The following NUMA1 variants were observed in gnomAD, a reference collection of about 807,000 sequenced individuals.
NUMA1 encodes SP-H antigen.
NUMA1 carries 62 observed loss-of-function variants against 237.1 expected under a neutral mutation model. That is an observed-to-expected ratio of 0.26 (90% CI 0.21 to 0.32). The LOEUF is 0.32. Among genes scored for constraint, NUMA1 ranks in the 10% least tolerant of loss-of-function variants. The pLI, the probability that NUMA1 is intolerant of heterozygous loss-of-function variation, is 1.00. For missense variants in NUMA1, 2,533 were observed against 2,666.5 expected (o/e 0.95, Z 1.10); for synonymous variants, 1,028 against 1,066.1 (o/e 0.96, Z 0.70).
intron 9 of NUMA1, 69 bp from the exon 10 acceptor site, chr11:72,019,049 AG>A: frequency 6.4e-7 from 1 of 1,571,808 alleles, no homozygotes; most frequent in Non-Finnish European, 8.7e-7. Flanking sequence ...AACAGGCAGC[AG>A]TAAGGGAGCG....
chr11:72,008,582 C>G (rs755824989), intron 20 of NUMA1, 106 bp downstream of exon 20: 2 of 1,292,884 alleles, frequency 1.5e-6, no homozygotes, highest in East Asian at 2.4e-5. Context: ...CGTTATTCTT[C>G]TCTAAGAATA....
intron 25 of NUMA1, 52 bp from the exon 26 acceptor site, chr11:72,004,151 A>T (rs1466947568): frequency 6.2e-7 from 1 of 1,610,666 alleles, no homozygotes; most frequent in South Asian, 1.1e-5. Flanking sequence ...TTCCCAGGCC[A>T]GCGTGCTGTG....
Position 72,003,518 on chromosome 11 carries a change from ACTGG to A in NUMA1, c.*5_*8del, listed in dbSNP as rs1424391102. On this transcript the variant is annotated 3_prime_UTR_variant, in exon 27 of 27. Coordinates refer to ENST00000393695, the MANE Select transcript of NUMA1 (RefSeq NM_006185.4). ...GACACAGGTGGGGCCACTCACTGGT[ACTGG>A]CCCTTTAGTGCTTTGCCTGAAAGAG... 6.2e-7 allele frequency: 1 copy of A among 1,614,042 alleles called. No individual in the cohort carries two copies. Among genetic ancestry groups the A allele is most frequent in the Non-Finnish European group, 8.5e-7 (1 of 1,179,894 alleles).
intron 2 of NUMA1, among the ~76,000 whole-genome samples, chr11:72,059,916 TAA>T (rs529856102): frequency 6.6e-6 from 1 of 152,250 alleles, no homozygotes; most frequent in African/African-American, 2.4e-5. Flanking sequence ...TATCAATATA[TAA>T]GATAGAATAT....
Position 72,035,914 on chromosome 11 carries a change from T to G in NUMA1, c.30A>C (p.Ala10=). 1 of 1,613,408 alleles carries G rather than the reference T, an allele frequency of 6.2e-7. No homozygotes were observed. Among genetic ancestry groups the G allele is most frequent in the South Asian group, 1.1e-5 (1 of 90,996 alleles). The change falls in exon 3 of 27, where the codon GCA becomes GCC. Residue 10 remains alanine, a synonymous_variant. Transcript: ENST00000393695. ...GAAGACTACTTACCCAAGAGAGGAG[T>G]GCAGCCCCCCGGGTGGCGTGGAGTG... MTLHATRGA[A]LLSWVNSLHV...
intron 2 of NUMA1, among the ~76,000 whole-genome samples, chr11:72,060,489 G>A (rs552591669): frequency 3.4e-4 from 52 of 151,992 alleles, no homozygotes; most frequent in Non-Finnish European, 7.5e-4. Flanking sequence ...ACAAAAATTA[G>A]AAAAATAGCC....
chr11:72,018,424 G>A lies in NUMA1; in HGVS notation c.832C>T (p.Leu278Phe), dbSNP rs758598029. The A allele has an allele frequency of 1.2e-6, 2 of 1,614,142 alleles. No homozygotes were observed. The highest frequency in any genetic ancestry group is 1.7e-4 in the Middle Eastern group (1 of 6,060). The part of the protein sequence containing the change: ...QAASPLEPKE[L>F]EELRDKNESL... ...TCATTCTTGTCACGCAGCTCCTCAA[G>A]CTCCTTGGGCTCCAGTGGGCTGGCC... Residue 278 changes from leucine (L) to phenylalanine (F), a missense_variant, in exon 11 of 27, where the codon CTT (leucine) becomes TTT (phenylalanine). Around this residue, in one of 3 missense-constraint regions of NUMA1, gnomAD observed 1,414 missense variants for 1,508.1 expected, o/e 0.94. Transcript: ENST00000393695.
Position 72,021,227 on chromosome 11 carries a change from T to C in NUMA1, c.437A>G (p.Asp146Gly). ...DHEDGLNLNE[D>G]LENFLQKAPV... ...ACCTTTCTGTAGGAAGTTCTCTAGG[T>C]CCTCATTAAGGTTTAGCCCGTCCTC... The change falls in exon 8 of 27, where the codon GAC (aspartate) becomes GGC (glycine). Residue 146 changes from aspartate to glycine, a missense_variant. Coordinates refer to ENST00000393695, the MANE Select transcript of NUMA1 (RefSeq NM_006185.4). The C allele has an allele frequency of 6.2e-7, 1 of 1,614,108 alleles. No individual in the cohort carries two copies. The highest frequency in any genetic ancestry group is 8.5e-7 in the Non-Finnish European group (1 of 1,179,954).
rs1289180191 is a variant in NUMA1 at position 72,074,776 on chromosome 11, G to A, written c.-102-4865C>T. Among the ~76,000 whole-genome samples the A allele has an allele frequency of 3.9e-5, 6 of 152,112 alleles. No individual in the cohort carries two copies. In the South Asian group the frequency reaches 1.0e-3, roughly 26 times the overall value. The stretch of plus-strand genomic sequence containing the variant: ...AGGCTGGGTGCAATGGCTCACGCCT[G>A]TAATCCCAGCACTTTGGGAGGCTGA... On this transcript the variant is annotated intron_variant, in intron 1 of 26. Transcript: ENST00000393695.
intron 1 of NUMA1, chr11:72,076,814 G>A (rs1016590870): frequency 6.6e-6 from 1 of 151,900 alleles, no homozygotes; most frequent in African/African-American, 2.4e-5. Flanking sequence ...AAATCTTTTG[G>A]GGGTGAGAGA....
At chr11:72,058,497 T>C (rs960447811) in intron 2 of NUMA1, among the ~76,000 whole-genome samples, 5 of 152,262 alleles carry the variant, frequency 3.3e-5, no homozygotes, top group Non-Finnish European at 5.9e-5. Flanking sequence ...CATATTTTTC[T>C]ATTGAGGGAA....
intron 1 of NUMA1, among the ~76,000 whole-genome samples, chr11:72,077,034 G>A (rs1381454442): frequency 6.6e-6 from 1 of 152,042 alleles, no homozygotes; most frequent in Admixed American, 6.6e-5. Context: ...AAACAAATTA[G>A]ACCTAGCTGA....
At position 72,014,352 on chromosome 11, in the gene NUMA1, C is replaced by A. The variant is rs1468955797; in HGVS notation, c.3151G>T (p.Ala1051Ser). ...TTTTCCGTCAGGGCATGAGCCAGTG[C>A]CTCTTGCAGGGTAGCGAACTCCACA... is the stretch of plus-strand genomic sequence containing the variant. ...QRVEFATLQE[A>S]LAHALTEKEG... The change falls in exon 15 of 27, where the codon GCA (alanine) becomes TCA (serine). Residue 1051 changes from alanine (A) to serine (S), a missense_variant. By Grantham distance (99) the Ala-to-Ser change is moderately conservative (BLOSUM62 1). Transcript: ENST00000393695. The surrounding 1 kb of genome is among the most constrained non-coding windows in gnomAD (Gnocchi z 4.6). 2 of 1,613,658 alleles carry A rather than the reference C, an allele frequency of 1.2e-6. No homozygotes were observed. The highest frequency in any genetic ancestry group is 3.3e-5 in the Admixed American group (2 of 60,038).
chr11:72,021,304 G>A lies in NUMA1; in HGVS notation c.373-13C>T, dbSNP rs569177618. 4 of 1,612,650 alleles carry A rather than the reference G, an allele frequency of 2.5e-6. No homozygotes were observed. In the South Asian group the frequency reaches 3.3e-5, roughly 13 times the overall value. ...CAGCCAACTCAGCCTGGGCCACAGGGAGAAAAAGAGCATCACTTAGGTGTT... is the reference window on the plus strand; with the variant it reads ...CAGCCAACTCAGCCTGGGCCACAGGAAGAAAAAGAGCATCACTTAGGTGTT... On this transcript the variant is annotated splice_polypyrimidine_tract_variant and intron_variant, in intron 7 of 26. Coordinates refer to ENST00000393695, the MANE Select transcript of NUMA1 (RefSeq NM_006185.4).
chr11:72,049,235 G>A (rs1469843779), intron 2 of NUMA1, among the ~76,000 whole-genome samples: 1 of 152,044 alleles, frequency 6.6e-6, no homozygotes, highest in East Asian at 1.9e-4. Flanking sequence ...AAATGTGAAA[G>A]AACCTGAAAC....
intron 2 of NUMA1, chr11:72,065,735 T>A (rs952520467): frequency 6.6e-6 from 1 of 152,240 alleles, no homozygotes; most frequent in Non-Finnish European, 1.5e-5. Flanking sequence ...TGAAATTTTA[T>A]CCACAAAGGA....
chr11:72,058,688 G>C (rs369694670), intron 2 of NUMA1, among the ~76,000 whole-genome samples: 3 of 152,208 alleles, frequency 2.0e-5, no homozygotes, highest in Non-Finnish European at 2.9e-5. Context: ...TCAGGGTCCA[G>C]TGTGATGACA....
chr11:72,028,494 A>ATGCT (rs1292802324), intron 4 of NUMA1, among the ~76,000 whole-genome samples: 13 of 145,256 alleles, frequency 8.9e-5, no homozygotes, highest in Non-Finnish European at 2.0e-4. Flanking sequence ...CAACTGACCT[A>ATGCT]TGCTTGGTCC....
At chr11:72,007,774 C>T (rs1429730460) in intron 20 of NUMA1, 2 of 383,556 alleles carry the variant, frequency 5.2e-6, no homozygotes, top group South Asian at 2.4e-5. Flanking sequence ...TGAATAGGAA[C>T]GCCCCCCACT....
Sources: gnomAD v4.1 joint callset for allele counts (sites outside exome capture counted in the v4.1 genomes callset) on GRCh38, gnomAD v4.1.1 for gene constraint, gnomAD v4.1.1 regional missense constraint, Gnocchi (gnomAD v3.1) non-coding constraint, MANE v1.5 for transcripts, NCBI Gene and HGNC (gene_info 2026-07-23, HGNC 2026-07-21) for gene names.